The following SQOR variants were observed in gnomAD, a reference collection of about 807,000 sequenced individuals.
The protein encoded by SQOR is sulfide quinone oxidoreductase.
In SQOR, 39 loss-of-function variants were observed where a neutral mutation model predicts 48.6. The ratio of observed to expected loss-of-function variants is 0.80; its 90% CI spans 0.62 to 1.05. The LOEUF (loss-of-function observed/expected upper bound fraction) is 1.05. Among genes scored for constraint, SQOR ranks in the 50% least tolerant of loss-of-function variants. The probability of loss-of-function intolerance (pLI) is 0.00; values close to 1 mark genes in which losing one functional copy is unlikely to be tolerated. For missense variants in SQOR, 561 were observed against 559.9 expected (o/e 1.00, Z -0.02); for synonymous variants, 220 against 206.2 (o/e 1.07, Z -0.57).
intron 1 of SQOR, among the ~76,000 whole-genome samples, chr15:45,651,004 G>A (rs554052229): frequency 2.2e-3 from 330 of 152,234 alleles, no homozygotes; most frequent in Admixed American, 3.9e-3. Flanking sequence ...GTCCCGCACC[G>A]CGCACCTGCA....
In SQOR at chr15:45,688,416, T is replaced by G. The variant is rs1185391986; in HGVS notation, c.1116+12T>G. 1.3e-6 allele frequency: 2 copies of G among 1,572,986 alleles called. No individual in the cohort carries two copies. The highest frequency in any genetic ancestry group is 1.8e-5 in the Admixed American group (1 of 55,816). On this transcript the variant is annotated intron_variant, in intron 8 of 9. Transcript: ENST00000260324. ...CACCAACAAAGAAGGTTTGTATGCC[T>G]TGTAAGAATCACTGTCTCAATGATC...
rs1471184519 is a variant in SQOR at position 45,661,289 on chromosome 15, TTAA to T, written c.235-665_235-663del. Among the ~76,000 whole-genome samples the T allele has an allele frequency of 1.9e-4, 16 of 84,378 alleles. No homozygotes were observed. The East Asian group carries it at 3.1e-3, about 16-fold the overall frequency. The allele number at this position is 84,378 out of a possible 152,430, so 55.4% of individuals were successfully genotyped here. ...TGGGGTGATTGGGCGAGACTCTGTC[TTAA>T]AAAAAAAAAAAAAAAAAAAAAAGGA... On this transcript the variant is annotated intron_variant, in intron 2 of 9. Coordinates refer to ENST00000260324, the MANE Select transcript of SQOR (RefSeq NM_021199.4).
chr15:45,666,853 T>TCC (rs1181087840), intron 3 of SQOR, among the ~76,000 whole-genome samples: 1 of 33,374 alleles, frequency 3.0e-5, no homozygotes, highest in Non-Finnish European at 5.8e-5. Context: ...TCCCCTCCTC[T>TCC]CCTCTCCCCT....
intron 1 of SQOR, among the ~76,000 whole-genome samples, chr15:45,652,000 G>A (rs56259807): frequency 0.091 from 13,759 of 151,218 alleles, 748 homozygotes; most frequent in Middle Eastern, 0.21. Flanking sequence ...AGCAATTCTT[G>A]TGCCTCAGCC....
chr15:45,647,302 C>CA (rs1889360811), intron 1 of SQOR, among the ~76,000 whole-genome samples: 1 of 150,920 alleles, frequency 6.6e-6, no homozygotes, highest in Admixed American at 6.6e-5. Flanking sequence ...CACCTCACTC[C>CA]ATGGGATTCA....
chr15:45,640,146 T>A (rs760825696), intron 1 of SQOR, among the ~76,000 whole-genome samples: 1 of 152,232 alleles, frequency 6.6e-6, no homozygotes, highest in Non-Finnish European at 1.5e-5. Flanking sequence ...CTAATTATGT[T>A]CCAGACCTGC....
chr15:45,669,128 A>G (rs1889891751), intron 3 of SQOR, among the ~76,000 whole-genome samples: 1 of 149,272 alleles, frequency 6.7e-6, no homozygotes, highest in Non-Finnish European at 1.5e-5. Flanking sequence ...TTTTTAATAT[A>G]CAATATACTA....
chr15:45,644,028 C>A (rs1238090832), intron 1 of SQOR, among the ~76,000 whole-genome samples: 1 of 152,130 alleles, frequency 6.6e-6, no homozygotes. Flanking sequence ...CAAATTGTAA[C>A]ATTCTTCGGT....
chr15:45,654,345 CT>C (rs1430834003), intron 1 of SQOR, among the ~76,000 whole-genome samples: 1 of 152,066 alleles, frequency 6.6e-6, no homozygotes, highest in African/African-American at 2.4e-5. Context: ...ATAACACATT[CT>C]TTTGTGTTTG....
chr15:45,690,937 T>G (rs1890313094), intron 9 of SQOR, 36 bp from the exon 10 acceptor site: 1 of 1,603,082 alleles, frequency 6.2e-7, no homozygotes, highest in African/African-American at 1.3e-5. Flanking sequence ...CCATCTCTCT[T>G]GCTGCAGGTA....
chr15:45,690,921 G>T, intron 9 of SQOR, 52 bp from the exon 10 acceptor site: 1 of 1,522,022 alleles, frequency 6.6e-7, no homozygotes, highest in Non-Finnish European at 9.1e-7. Flanking sequence ...CCTGACTGAA[G>T]TCGCCCCATC....
At position 45,669,987 on chromosome 15, in the gene SQOR, G is replaced by C; in HGVS notation, c.459+6G>C. The C allele has an allele frequency of 6.2e-7, 1 of 1,613,558 alleles. No homozygotes were observed. The highest frequency in any genetic ancestry group is 1.1e-5 in the South Asian group (1 of 91,060). On this transcript the variant is annotated splice_donor_region_variant and intron_variant, in intron 4 of 9. Coordinates refer to ENST00000260324, the MANE Select transcript of SQOR (RefSeq NM_021199.4). ...TCCAGCTGGACTATGAGAAGGTACCGTGTGAAACTGTTTCTGTGTTACGCT... is the reference window on the plus strand; with the variant it reads ...TCCAGCTGGACTATGAGAAGGTACCCTGTGAAACTGTTTCTGTGTTACGCT...
chr15:45,683,888 A>AT (rs1246996122), intron 7 of SQOR, among the ~76,000 whole-genome samples: 1 of 139,352 alleles, frequency 7.2e-6, no homozygotes, highest in African/African-American at 2.5e-5. Flanking sequence ...ATATATATAT[A>AT]TATTTTTGTT....
intron 1 of SQOR, among the ~76,000 whole-genome samples, chr15:45,652,166 G>A (rs1041255199): frequency 6.6e-5 from 10 of 151,674 alleles, no homozygotes; most frequent in South Asian, 4.2e-4. Flanking sequence ...GAGCCACCAC[G>A]TCCGGCCGGT....
intron 3 of SQOR, among the ~76,000 whole-genome samples, chr15:45,664,536 A>T (rs1889778608): frequency 6.6e-6 from 1 of 152,046 alleles, no homozygotes; most frequent in Non-Finnish European, 1.5e-5. Context: ...CTGGCTTGTT[A>T]GTGCCCCATG....
intron 1 of SQOR, among the ~76,000 whole-genome samples, chr15:45,638,668 G>C (rs1210213331): frequency 6.6e-6 from 1 of 151,628 alleles, no homozygotes; most frequent in East Asian, 1.9e-4. Context: ...AAGTTGCATT[G>C]AGCCAAGATT....
At chr15:45,650,111 G>A (rs1291280213) in intron 1 of SQOR, among the ~76,000 whole-genome samples, 2 of 152,058 alleles carry the variant, frequency 1.3e-5, no homozygotes, top group Admixed American at 6.5e-5. Flanking sequence ...CCAAAGTGCT[G>A]GGATTACAGG....
chr15:45,634,394 CCACT>C (rs1482369576), upstream of SQOR, among the ~76,000 whole-genome samples: 4 of 151,512 alleles, frequency 2.6e-5, no homozygotes, highest in African/African-American at 9.7e-5. Flanking sequence ...TGGTGGAGAA[CCACT>C]CACTGAGACT....
chr15:45,667,252 T>C (rs1018902088), intron 3 of SQOR, among the ~76,000 whole-genome samples: 1 of 148,960 alleles, frequency 6.7e-6, no homozygotes, highest in Admixed American at 6.8e-5. Context: ...TCTGAGCCGA[T>C]CTACCTTAGC....
Sources: gnomAD v4.1 joint callset for allele counts (sites outside exome capture counted in the v4.1 genomes callset) on GRCh38, gnomAD v4.1.1 for gene constraint, MANE v1.5 for transcripts, NCBI Gene and HGNC (gene_info 2026-07-23, HGNC 2026-07-21) for gene names.